Variants in UBTD1 observed in about 807,000 individuals in gnomAD.
The protein encoded by UBTD1 is ubiquitin domain-containing protein 1.
Under a neutral mutation model 21.7 loss-of-function variants are expected in UBTD1, and 19 were observed. That is an observed-to-expected ratio of 0.87 (90% CI 0.61 to 1.28). UBTD1 has a LOEUF of 1.28. Among genes scored for constraint, UBTD1 ranks in the 50% most tolerant of loss-of-function variants. The probability of loss-of-function intolerance (pLI) is 0.00; values close to 1 mark genes in which losing one functional copy is unlikely to be tolerated. For missense variants in UBTD1, 282 were observed against 315.1 expected, an observed-to-expected ratio of 0.89 and a Z score of 0.80; for synonymous variants, 116 against 135.1, an observed-to-expected ratio of 0.86 and a Z score of 0.98.
At chr10:97,531,482 C>T (rs540637480) in intron 1 of UBTD1, among the ~76,000 whole-genome samples, 1 of 152,106 alleles carries the variant, frequency 6.6e-6, no homozygotes, top group East Asian at 1.9e-4. Flanking sequence ...AACTCCTGAC[C>T]TCAAGTGATC....
chr10:97,541,976 T>C (rs2040589321), intron 1 of UBTD1, among the ~76,000 whole-genome samples: 2 of 152,126 alleles, frequency 1.3e-5, no homozygotes, highest in African/African-American at 2.4e-5. Flanking sequence ...CCTCAGGTGA[T>C]CCACCTGCCT....
At chr10:97,510,237 T>C (rs1589867701) in intron 1 of UBTD1, among the ~76,000 whole-genome samples, 2 of 152,364 alleles carry the variant, frequency 1.3e-5, no homozygotes, top group South Asian at 4.1e-4. Context: ...AGTGTTGGAA[T>C]TACAGGCATG....
At chr10:97,542,621 C>T (rs2135675588) in intron 1 of UBTD1, among the ~76,000 whole-genome samples, 1 of 152,334 alleles carries the variant, frequency 6.6e-6, no homozygotes, top group East Asian at 1.9e-4. Context: ...GTGAAGGGGC[C>T]TTCCCTGTTG....
At chr10:97,547,714 G>A (rs2040617897) in intron 1 of UBTD1, among the ~76,000 whole-genome samples, 1 of 152,100 alleles carries the variant, frequency 6.6e-6, no homozygotes. Context: ...ACAGGCATAT[G>A]CCACCACGCC....
Position 97,570,725 on chromosome 10 carries a change from T to C in UBTD1, c.*202T>C, listed in dbSNP as rs1054503424. The C allele has an allele frequency of 6.4e-6, 4 of 622,094 alleles. No individual in the cohort carries two copies. The African/African-American group carries it at 7.3e-5, about 11-fold the overall frequency. 38.5% of individuals were successfully genotyped at this position (622,094 alleles called of 1,614,324 possible). On this transcript the variant is annotated 3_prime_UTR_variant, in exon 3 of 3. Transcript: ENST00000370664. The surrounding 1 kb of genome is among the most constrained non-coding windows in gnomAD (Gnocchi z 6.6). ...GGAGCAGGCAGCCACACACGGGCCT[T>C]GCAACCTTGTCAGAGAAAAGGCGAA...
At chr10:97,511,127 T>A (rs1294931423) in intron 1 of UBTD1, among the ~76,000 whole-genome samples, 3 of 152,164 alleles carry the variant, frequency 2.0e-5, no homozygotes, top group African/African-American at 7.2e-5. Flanking sequence ...AGAGCCTCTT[T>A]CGCACTTGAT....
At chr10:97,535,975 A>ATTATTATTATTATTGTTATTG (rs71007348) in intron 1 of UBTD1, among the ~76,000 whole-genome samples, 1 of 144,244 alleles carries the variant, frequency 6.9e-6, no homozygotes, top group African/African-American at 2.5e-5. Context: ...AGAAATTATT[A>ATTATTATTATTATTGTTATTG]TTATTATTAT....
Position 97,570,338 on chromosome 10 carries a change from C to T in UBTD1, c.499C>T (p.Leu167=). 1 of 1,613,168 alleles carries T rather than the reference C, an allele frequency of 6.2e-7. No individual in the cohort carries two copies. The highest frequency in any genetic ancestry group is 8.5e-7 in the Non-Finnish European group (1 of 1,179,878). The part of the protein sequence containing the change: ...TGKDVRLSAS[L]PDTVGQLKRQ... ...CAAGGACGTGAGGCTCAGCGCCAGCCTGCCCGACACAGTGGGGCAGCTCAA... is the reference window on the plus strand; with the variant it reads ...CAAGGACGTGAGGCTCAGCGCCAGCTTGCCCGACACAGTGGGGCAGCTCAA... The change falls in exon 3 of 3, where the codon CTG becomes TTG. Residue 167 remains leucine, a synonymous_variant. Transcript: ENST00000370664. This position sits in a 1 kb window ranked among gnomAD's most constrained non-coding sequence, Gnocchi z 6.6.
intron 1 of UBTD1, among the ~76,000 whole-genome samples, chr10:97,528,086 C>T (rs1441461177): frequency 2.3e-5 from 3 of 130,974 alleles, no homozygotes; most frequent in Non-Finnish European, 5.1e-5. Context: ...GCTGACTCCC[C>T]CACCTCCCTC....
chr10:97,520,299 C>T (rs750685085), intron 1 of UBTD1, among the ~76,000 whole-genome samples: 17 of 152,044 alleles, frequency 1.1e-4, no homozygotes, highest in Non-Finnish European at 1.9e-4. Flanking sequence ...ATGGCTTTGT[C>T]GAAATGAAAG....
chr10:97,541,165 A>G (rs958958758), intron 1 of UBTD1, among the ~76,000 whole-genome samples: 21 of 152,166 alleles, frequency 1.4e-4, no homozygotes, highest in African/African-American at 4.8e-4. Flanking sequence ...TACAAGGATT[A>G]AGTGAAATGA....
At chr10:97,554,210 G>A (rs1466998435) in intron 1 of UBTD1, among the ~76,000 whole-genome samples, 21 of 151,250 alleles carry the variant, frequency 1.4e-4, no homozygotes, top group African/African-American at 3.6e-4. Context: ...TGGGCATAGA[G>A]CCCAAAAGTG....
At chr10:97,565,266 A>G (rs935720172) in intron 1 of UBTD1, among the ~76,000 whole-genome samples, 1 of 152,182 alleles carries the variant, frequency 6.6e-6, no homozygotes, top group Admixed American at 6.5e-5. Context: ...AATGCTGATC[A>G]TGGCAGCACA....
chr10:97,533,856 G>A (rs1377006835), intron 1 of UBTD1, among the ~76,000 whole-genome samples: 2 of 151,354 alleles, frequency 1.3e-5, no homozygotes, highest in Non-Finnish European at 2.9e-5. Flanking sequence ...CTGGGAGGTC[G>A]AGGTTACAGT....
chr10:97,556,484 C>G (rs917219235), intron 1 of UBTD1, among the ~76,000 whole-genome samples: 1 of 152,180 alleles, frequency 6.6e-6, no homozygotes, highest in African/African-American at 2.4e-5. Context: ...TCTAAAACAG[C>G]TTGTAACTGT....
intron 1 of UBTD1, among the ~76,000 whole-genome samples, chr10:97,501,873 A>G (rs574097345): frequency 2.0e-5 from 3 of 151,886 alleles, no homozygotes; most frequent in Admixed American, 6.6e-5. Context: ...TCCGCACCCC[A>G]CCACACACAC....
At chr10:97,524,951 G>T (rs1302260737) in intron 1 of UBTD1, among the ~76,000 whole-genome samples, 1 of 152,236 alleles carries the variant, frequency 6.6e-6, no homozygotes, top group African/African-American at 2.4e-5. Flanking sequence ...GCAAGGCTGA[G>T]AAATGTCTGC....
At chr10:97,539,257 C>T (rs550908944) in intron 1 of UBTD1, among the ~76,000 whole-genome samples, 10 of 152,256 alleles carry the variant, frequency 6.6e-5, no homozygotes, top group Admixed American at 5.9e-4. Context: ...TCCACTTTAC[C>T]GGCCTCAGAT....
chr10:97,503,085 T>G (rs926220520), intron 1 of UBTD1, among the ~76,000 whole-genome samples: 5 of 152,052 alleles, frequency 3.3e-5, no homozygotes, highest in African/African-American at 1.2e-4. Flanking sequence ...CCCAGCTAAC[T>G]TTTTATTTTT....
Sources: allele counts gnomAD v4.1 joint callset (sites outside exome capture counted in the v4.1 genomes callset), GRCh38; gene constraint gnomAD v4.1.1; non-coding constraint Gnocchi (gnomAD v3.1); transcripts MANE v1.5; gene names NCBI Gene and HGNC (gene_info 2026-07-23, HGNC 2026-07-21).